HERC2: variants seen among roughly 807,000 people sequenced by gnomAD.
HERC2 encodes the protein E3 ubiquitin-protein ligase HERC2.
In HERC2, 102 loss-of-function variants were observed where a neutral mutation model predicts 537.7. The ratio of observed to expected loss-of-function variants is 0.19; its 90% confidence interval spans 0.16 to 0.22. The LOEUF is 0.22. Among genes scored for constraint, HERC2 ranks in the 10% least tolerant of loss-of-function variants. HERC2 has a pLI of 1.00. For missense variants in HERC2, 4,236 were observed against 6,198.2 expected (o/e 0.68, Z 10.63); for synonymous variants, 2,224 against 2,466.2 (o/e 0.90, Z 2.91).
intron 2 of HERC2, among the ~76,000 whole-genome samples, chr15:28,313,717 T>G (rs60399863): frequency 0.012 from 1,876 of 151,832 alleles, no homozygotes; most frequent in African/African-American, 0.044. Flanking sequence ...ATAAAAAATG[T>G]TAAGAACAGG....
chr15:28,299,640 T>C (rs1472632662), intron 2 of HERC2, 124 bp from the exon 3 acceptor site: 1 of 613,254 alleles, frequency 1.6e-6, no homozygotes, highest in Non-Finnish European at 3.0e-6. Context: ...ATAAAATCAA[T>C]GATTTACTGA....
chr15:28,273,252 T>A (rs1197947722), intron 7 of HERC2: 1 of 553,692 alleles, frequency 1.8e-6, no homozygotes, highest in East Asian at 3.2e-5. Flanking sequence ...ACATACTCCA[T>A]GTATATGAAG....
At chr15:28,303,252 C>G (rs2076684460) in intron 2 of HERC2, among the ~76,000 whole-genome samples, 1 of 152,228 alleles carries the variant, frequency 6.6e-6, no homozygotes, top group African/African-American at 2.4e-5. Flanking sequence ...CACCATTTAT[C>G]AATGAGGCTA....
intron 2 of HERC2, among the ~76,000 whole-genome samples, chr15:28,304,810 C>T (rs1162341085): frequency 1.5e-5 from 2 of 137,462 alleles, no homozygotes; most frequent in East Asian, 2.0e-4. Context: ...GCTGCACCCA[C>T]TAACTCGTCA....
chr15:28,230,291 G>C, intron 31 of HERC2, 76 bp downstream of exon 31: 1 of 1,460,630 alleles, frequency 6.8e-7, no homozygotes. Flanking sequence ...CAGATGCTCA[G>C]GACAAGACTG....
chr15:28,288,190 G>A (rs1353839403), intron 4 of HERC2, among the ~76,000 whole-genome samples: 4 of 152,070 alleles, frequency 2.6e-5, no homozygotes, highest in Admixed American at 2.0e-4. Context: ...ATAACACAAG[G>A]CAGCTGGGAC....
intron 85 of HERC2, among the ~76,000 whole-genome samples, chr15:28,121,935 G>A (rs1050208477): frequency 3.0e-5 from 4 of 134,758 alleles, no homozygotes; most frequent in East Asian, 2.3e-4. Context: ...AGGGAGCACC[G>A]CGGAGCCAGC....
intron 23 of HERC2, among the ~76,000 whole-genome samples, chr15:28,240,843 A>G (rs970561408): frequency 2.0e-5 from 3 of 151,512 alleles, no homozygotes; most frequent in African/African-American, 7.4e-5. Flanking sequence ...AGACATGCAC[A>G]TGTAAAGAAC....
In HERC2 at chr15:28,113,542, G is replaced by A. The variant is rs765962818; in HGVS notation, c.14019+31C>T. The A allele has an allele frequency of 1.5e-5, 24 of 1,580,524 alleles. No homozygotes were observed. Among genetic ancestry groups the A allele is most frequent in the South Asian group, 4.4e-5 (4 of 90,348 alleles). Reference sequence around the variant, plus strand: ...GTGGGTCAGCAGGCAAAAGGCAGCTGCAGGGCAGCCCCACCTGGGGGTCGG... The same window carrying A: ...GTGGGTCAGCAGGCAAAAGGCAGCTACAGGGCAGCCCCACCTGGGGGTCGG... On this transcript the variant is annotated intron_variant, in intron 91 of 92. Coordinates refer to ENST00000261609, the MANE Select transcript of HERC2 (RefSeq NM_004667.6). The surrounding 1 kb of genome is among the most constrained non-coding windows in gnomAD (Gnocchi z 7.0).
rs759588691 is a variant in HERC2, at chr15:28,268,635, G to A, written c.1447-19C>T. The stretch of plus-strand genomic sequence containing the variant: ...GTGGGGCCTAAAGAAGGAAAAATAC[G>A]AAGAAAAGTAGTCATCAGTCCAAGG... On this transcript the variant is annotated intron_variant, in intron 11 of 92. Coordinates refer to ENST00000261609, the MANE Select transcript of HERC2 (RefSeq NM_004667.6). This position sits in a 1 kb window ranked among gnomAD's most constrained non-coding sequence, Gnocchi z 4.7. 1.3e-5 allele frequency: 21 copies of A among 1,607,428 alleles called. No individual in the cohort carries two copies. The highest frequency in any genetic ancestry group is 2.2e-5 in the East Asian group (1 of 44,718).
intron 68 of HERC2, among the ~76,000 whole-genome samples, chr15:28,163,642 T>C (rs190392733): frequency 1.3e-5 from 2 of 152,328 alleles, no homozygotes; most frequent in Non-Finnish European, 2.9e-5. Context: ...ACCCATAAGA[T>C]ACGCTAGGGA....
chr15:28,264,354 G>A (rs1371870212), intron 14 of HERC2, among the ~76,000 whole-genome samples: 1 of 152,154 alleles, frequency 6.6e-6, no homozygotes, highest in Non-Finnish European at 1.5e-5. Flanking sequence ...AATGGAAACT[G>A]GAGATGACGC....
chr15:28,183,173 T>C (rs554345232), intron 56 of HERC2, among the ~76,000 whole-genome samples: 220 of 152,318 alleles, frequency 1.4e-3, no homozygotes, highest in African/African-American at 5.1e-3. Context: ...CTTGCTCATC[T>C]ATCTCCTGAC....
chr15:28,245,591 AC>A, intron 23 of HERC2, among the ~76,000 whole-genome samples: 1 of 151,058 alleles, frequency 6.6e-6, no homozygotes, highest in East Asian at 1.9e-4. Flanking sequence ...ACACACACAC[AC>A]ACACACACAC....
chr15:28,148,099 G>A (rs1891959312), intron 70 of HERC2, among the ~76,000 whole-genome samples: 1 of 148,860 alleles, frequency 6.7e-6, no homozygotes, highest in South Asian at 2.1e-4. Flanking sequence ...GGCAATAAAA[G>A]CAGGCCAGAA....
rs750853068 is a variant in HERC2, at chr15:28,141,776, A to G, written c.11771T>C (p.Ile3924Thr). The G allele has an allele frequency of 1.9e-6, 3 of 1,614,190 alleles. No individual in the cohort carries two copies. The highest frequency in any genetic ancestry group is 2.5e-6 in the Non-Finnish European group (3 of 1,180,040). ...TTGTTCGTCTTGCTCTCTTTTAAAAATGTCATGGCTCTCATGCAGAACATC... is the reference window on the plus strand; with the variant it reads ...TTGTTCGTCTTGCTCTCTTTTAAAAGTGTCATGGCTCTCATGCAGAACATC... ...NMDVLHESHD[I>T]FKREQDEQLV... The change falls in exon 77 of 93, where the codon ATT (isoleucine) becomes ACT (threonine). Residue 3924 changes from isoleucine (I) to threonine (T), a missense_variant. By Grantham distance (89) the Ile-to-Thr change is moderately conservative. Transcript: ENST00000261609.
chr15:28,187,842 T>C (rs533745376), intron 55 of HERC2, among the ~76,000 whole-genome samples: 1 of 152,322 alleles, frequency 6.6e-6, no homozygotes, highest in Non-Finnish European at 1.5e-5. Context: ...TTGGTCTACT[T>C]GTCCTGCAAA....
chr15:28,208,995 T>C (rs141839082), intron 44 of HERC2, among the ~76,000 whole-genome samples: 2 of 152,360 alleles, frequency 1.3e-5, no homozygotes, highest in African/African-American at 4.8e-5. Context: ...AAATGTTTTT[T>C]TCTATTAAAA....
At chr15:28,208,387 C>A (rs941255085) in intron 44 of HERC2, among the ~76,000 whole-genome samples, 20 of 152,162 alleles carry the variant, frequency 1.3e-4, no homozygotes, top group Non-Finnish European at 2.2e-4. Flanking sequence ...GTGGATGGCA[C>A]CTTCCTTCCA....
Sources: gnomAD v4.1 joint callset for allele counts (sites outside exome capture counted in the v4.1 genomes callset) on GRCh38, gnomAD v4.1.1 for gene constraint, Gnocchi (gnomAD v3.1) non-coding constraint, MANE v1.5 for transcripts, NCBI Gene and HGNC (gene_info 2026-07-23, HGNC 2026-07-21) for gene names.